DLGAP1: variants seen among roughly 807,000 people sequenced by gnomAD.
DLGAP1 encodes disks large-associated protein 1.
A neutral mutation model predicts 90.8 loss-of-function variants in DLGAP1; 11 were observed. The observed-to-expected ratio is 0.12, with a 90% CI of 0.08 to 0.20. The LOEUF (loss-of-function observed/expected upper bound fraction) is 0.20. DLGAP1 is among the 10% of genes least tolerant of loss of function. The probability of loss-of-function intolerance (pLI) is 1.00; values close to 1 mark genes in which losing one functional copy is unlikely to be tolerated. For synonymous variants in DLGAP1, 558 were observed against 540.7 expected, an observed-to-expected ratio of 1.03 and a Z score of -0.44; for missense variants, 1,050 against 1,333.8, an observed-to-expected ratio of 0.79 and a Z score of 3.31.
At chr18:3,797,653 C>T (rs540470145) in intron 5 of DLGAP1, among the ~76,000 whole-genome samples, 16 of 152,190 alleles carry the variant, frequency 1.1e-4, no homozygotes, top group South Asian at 8.3e-4. Context: ...AGTTTTAAAG[C>T]GGGAGGGAGG....
intron 1 of DLGAP1, among the ~76,000 whole-genome samples, chr18:4,274,642 C>T (rs2079368392): frequency 6.6e-6 from 1 of 152,098 alleles, no homozygotes; most frequent in Non-Finnish European, 1.5e-5. Context: ...CCATGCAGGC[C>T]TCCTTCATTT....
At chr18:4,404,485 A>G (rs1449985185) in intron 1 of DLGAP1, among the ~76,000 whole-genome samples, 1 of 152,220 alleles carries the variant, frequency 6.6e-6, no homozygotes, top group East Asian at 1.9e-4. Flanking sequence ...CACAGGTAAT[A>G]GCCAAGGTAG....
At chr18:4,341,263 T>C (rs1008418763) in intron 1 of DLGAP1, among the ~76,000 whole-genome samples, 1 of 152,076 alleles carries the variant, frequency 6.6e-6, no homozygotes, top group Non-Finnish European at 1.5e-5. Context: ...CAGGATTCAG[T>C]AGAAATATTA....
chr18:4,054,981 C>T (rs2075191830), intron 2 of DLGAP1, among the ~76,000 whole-genome samples: 1 of 152,156 alleles, frequency 6.6e-6, no homozygotes, highest in African/African-American at 2.4e-5. Context: ...AGTATTTAAA[C>T]TGAGGTATTA....
intron 1 of DLGAP1, among the ~76,000 whole-genome samples, chr18:4,162,233 G>C (rs2076858501): frequency 6.6e-6 from 1 of 152,122 alleles, no homozygotes. Context: ...GAGCTTATTA[G>C]TAGAGTTACA....
intron 3 of DLGAP1, among the ~76,000 whole-genome samples, chr18:3,889,644 C>A (rs983777711): frequency 1.3e-5 from 2 of 152,166 alleles, no homozygotes; most frequent in Non-Finnish European, 2.9e-5. Flanking sequence ...GTGGCCAGGA[C>A]TGTTGAAGGT....
chr18:4,417,805 G>A (rs1182273574), intron 1 of DLGAP1, among the ~76,000 whole-genome samples: 1 of 152,168 alleles, frequency 6.6e-6, no homozygotes, highest in Non-Finnish European at 1.5e-5. Flanking sequence ...GGAGAACTAA[G>A]GAAGCCACAC....
At chr18:3,925,216 G>T (rs1315296965) in intron 3 of DLGAP1, among the ~76,000 whole-genome samples, 2 of 151,960 alleles carry the variant, frequency 1.3e-5, no homozygotes, top group East Asian at 3.9e-4. Flanking sequence ...GCCTCCCAAA[G>T]TGCTGGGATT....
chr18:3,517,781 C>A lies in DLGAP1; in HGVS notation c.2480-9120G>T, dbSNP rs1391308970. Reference sequence around the variant, plus strand: ...GCAGTGAGCCGAGATCGTGCCATTGCACTCCAGCCTGGGCAACAAGAGAGA... The same window carrying A: ...GCAGTGAGCCGAGATCGTGCCATTGAACTCCAGCCTGGGCAACAAGAGAGA... On this transcript the variant is annotated intron_variant, in intron 10 of 12. Transcript: ENST00000315677. The surrounding 1 kb of genome is among the most constrained non-coding windows in gnomAD (Gnocchi z 4.1). 2.0e-5 allele frequency among the ~76,000 whole-genome samples: 3 copies of A among 150,008 alleles called. No individual in the cohort carries two copies. The highest frequency in any genetic ancestry group is 2.9e-5 in the Non-Finnish European group (2 of 67,860).
intron 3 of DLGAP1, among the ~76,000 whole-genome samples, chr18:3,912,527 C>A (rs2072058174): frequency 6.6e-6 from 1 of 152,170 alleles, no homozygotes; most frequent in Non-Finnish European, 1.5e-5. Flanking sequence ...AGGGAGCTTA[C>A]AGTCTAGTGG....
chr18:4,417,431 T>C (rs950568419), intron 1 of DLGAP1, among the ~76,000 whole-genome samples: 5 of 152,174 alleles, frequency 3.3e-5, no homozygotes, highest in Non-Finnish European at 5.9e-5. Context: ...TTTTCAATAA[T>C]TGTTGAGTGT....
intron 2 of DLGAP1, among the ~76,000 whole-genome samples, chr18:4,109,861 C>T (rs73943840): frequency 1.3e-3 from 193 of 151,944 alleles, no homozygotes; most frequent in African/African-American, 4.6e-3. Flanking sequence ...GTTCGATTTT[C>T]CTTTTCTAGG....
intron 3 of DLGAP1, among the ~76,000 whole-genome samples, chr18:3,985,525 T>TC (rs2098336441): frequency 1.3e-5 from 2 of 149,948 alleles, no homozygotes; most frequent in African/African-American, 4.9e-5. Context: ...GACTTACTTT[T>TC]TTTTTTTTTT....
chr18:3,742,148 T>C (rs900042919), intron 6 of DLGAP1, among the ~76,000 whole-genome samples, 187 bp downstream of exon 6: 5 of 152,186 alleles, frequency 3.3e-5, no homozygotes, highest in Admixed American at 1.3e-4. Context: ...TGGCAGACCA[T>C]TGATACCGGG....
At chr18:3,772,338 C>CTTTCCTTCCTTCCTT (rs1350884072) in intron 5 of DLGAP1, among the ~76,000 whole-genome samples, 1 of 42,284 alleles carries the variant, frequency 2.4e-5, no homozygotes, top group Non-Finnish European at 4.9e-5. Flanking sequence ...CTCCTTCTCT[C>CTTTCCTTCCTTCCTT]TCTCTCTCTC....
intron 1 of DLGAP1, among the ~76,000 whole-genome samples, chr18:4,346,912 C>A (rs2143925482): frequency 6.6e-6 from 1 of 151,784 alleles, no homozygotes; most frequent in South Asian, 2.1e-4. Flanking sequence ...TAAATAAATA[C>A]CCTCAGTTTT....
chr18:4,151,879 T>C (rs2076680705), intron 1 of DLGAP1, among the ~76,000 whole-genome samples: 1 of 152,198 alleles, frequency 6.6e-6, no homozygotes, highest in African/African-American at 2.4e-5. Flanking sequence ...AAAACCTAGA[T>C]GATGGGTTGA....
intron 3 of DLGAP1, among the ~76,000 whole-genome samples, chr18:3,974,200 G>A (rs1393689780): frequency 5.9e-5 from 9 of 151,746 alleles, no homozygotes; most frequent in Non-Finnish European, 1.2e-4. Context: ...TCAGCCTCCC[G>A]AGTAGCTGGG....
chr18:3,917,246 T>C (rs1366419159), intron 3 of DLGAP1, among the ~76,000 whole-genome samples: 2 of 152,228 alleles, frequency 1.3e-5, no homozygotes, highest in Non-Finnish European at 2.9e-5. Flanking sequence ...CCGTCATAAG[T>C]TGAGAAGCAT....
Sources: gnomAD v4.1 joint callset for allele counts (sites outside exome capture counted in the v4.1 genomes callset) on GRCh38, gnomAD v4.1.1 for gene constraint, Gnocchi (gnomAD v3.1) non-coding constraint, MANE v1.5 for transcripts, NCBI Gene and HGNC (gene_info 2026-07-23, HGNC 2026-07-21) for gene names.